DDR2: variants seen among roughly 807,000 people sequenced by gnomAD.
The protein encoded by DDR2 is discoidin domain-containing receptor 2.
In DDR2, 27 loss-of-function variants were observed where a neutral mutation model predicts 94.9. The ratio of observed to expected loss-of-function variants is 0.28; its 90% confidence interval spans 0.21 to 0.39. The LOEUF is 0.39. DDR2 is among the 10% of genes least tolerant of loss of function. The pLI is 1.00. For synonymous variants in DDR2, 382 were observed against 377.2 expected (o/e 1.01, Z -0.15); for missense variants, 783 against 1,076.0 (o/e 0.73, Z 3.81).
chr1:162,744,868 G>T (rs1662774724), intron 3 of DDR2, among the ~76,000 whole-genome samples: 2 of 152,354 alleles, frequency 1.3e-5, no homozygotes, highest in Non-Finnish European at 2.9e-5. Context: ...GTATATACCA[G>T]AAGTGGGACT....
chr1:162,709,450 G>A (rs1380484758), intron 2 of DDR2, among the ~76,000 whole-genome samples: 3 of 152,312 alleles, frequency 2.0e-5, no homozygotes, highest in East Asian at 3.9e-4. Flanking sequence ...CCCCTGGGGA[G>A]GTCACTTTGC....
At chr1:162,653,614 G>T (rs6694717) in intron 1 of DDR2, among the ~76,000 whole-genome samples, 124,214 of 151,434 alleles carry the variant, frequency 0.82, 51,916 homozygotes, top group Middle Eastern at 0.92. Context: ...GGGGACATTT[G>T]GGTCCTATTT....
intron 9 of DDR2, among the ~76,000 whole-genome samples, chr1:162,763,905 A>G (rs1409667503): frequency 6.6e-6 from 1 of 152,232 alleles, no homozygotes; most frequent in East Asian, 1.9e-4. Context: ...AACAATGTTA[A>G]CAGCATTTTC....
intron 7 of DDR2, among the ~76,000 whole-genome samples, chr1:162,758,817 G>A (rs1437064628): frequency 6.6e-6 from 1 of 152,154 alleles, no homozygotes; most frequent in Non-Finnish European, 1.5e-5. Context: ...TTGAGGGTGA[G>A]TATCCCAATC....
chr1:162,703,223 T>C (rs557551855), intron 2 of DDR2, among the ~76,000 whole-genome samples: 4 of 152,338 alleles, frequency 2.6e-5, no homozygotes, highest in Admixed American at 1.3e-4. Flanking sequence ...ATCAGTGAGT[T>C]TATAATGAGA....
At chr1:162,745,564 C>T (rs1310970632) in intron 3 of DDR2, among the ~76,000 whole-genome samples, 1 of 151,974 alleles carries the variant, frequency 6.6e-6, no homozygotes, top group African/African-American at 2.4e-5. Flanking sequence ...TTTCCCAACA[C>T]CATTTATTAA....
intron 2 of DDR2, among the ~76,000 whole-genome samples, chr1:162,659,773 T>C (rs1378971443): frequency 6.6e-6 from 1 of 152,152 alleles, no homozygotes; most frequent in Non-Finnish European, 1.5e-5. Flanking sequence ...TAAAAATATA[T>C]ATGCATGAGA....
At chr1:162,776,564 C>A (rs1647565759) in intron 16 of DDR2, among the ~76,000 whole-genome samples, 194 bp downstream of exon 16, 1 of 152,140 alleles carries the variant, frequency 6.6e-6, no homozygotes, top group South Asian at 2.1e-4. Context: ...AAAATTAACA[C>A]ACATAAAAAT....
At chr1:162,642,346 C>T (rs965070849) in intron 1 of DDR2, among the ~76,000 whole-genome samples, 2 of 151,754 alleles carry the variant, frequency 1.3e-5, no homozygotes, top group African/African-American at 2.4e-5. Flanking sequence ...CATCCTGGCT[C>T]ACCACAACCT....
intron 2 of DDR2, among the ~76,000 whole-genome samples, chr1:162,711,041 G>A (rs1160054136): frequency 6.6e-6 from 1 of 152,190 alleles, no homozygotes; most frequent in Admixed American, 6.5e-5. Flanking sequence ...CAAAGTCGAG[G>A]CCACCTCAGA....
At chr1:162,741,355 C>A (rs913024682) in intron 3 of DDR2, among the ~76,000 whole-genome samples, 5 of 145,504 alleles carry the variant, frequency 3.4e-5, no homozygotes, top group Non-Finnish European at 4.5e-5. Context: ...ATCCACAAAT[C>A]CAAAATCCGA....
chr1:162,767,263 G>T lies in DDR2; in HGVS notation c.1197G>T (p.Arg399=). The change falls in exon 11 of 18, where the codon CGG becomes CGT. Residue 399 remains arginine, a synonymous_variant. Transcript: ENST00000367921. ...TTAAAGTTGATGACAGCAACACTCG[G>T]ATCCTGATTGGCTGCTTGGTGGCCA... ...PMLKVDDSNT[R]ILIGCLVAII... The T allele has an allele frequency of 6.2e-7, 1 of 1,614,070 alleles. No homozygotes were observed. The highest frequency in any genetic ancestry group is 1.1e-5 in the South Asian group (1 of 91,082).
At chr1:162,676,694 C>G (rs1235654758) in intron 2 of DDR2, among the ~76,000 whole-genome samples, 1 of 152,132 alleles carries the variant, frequency 6.6e-6, no homozygotes, top group Non-Finnish European at 1.5e-5. Flanking sequence ...TTTGGGGGAG[C>G]CAGTGATTTT....
chr1:162,694,445 C>A (rs1039230599), intron 2 of DDR2, among the ~76,000 whole-genome samples: 8 of 152,110 alleles, frequency 5.3e-5, no homozygotes, highest in African/African-American at 1.9e-4. Flanking sequence ...CTTTCCCCCA[C>A]CTCCTCATTT....
At chr1:162,677,334 C>G (rs561847058) in intron 2 of DDR2, among the ~76,000 whole-genome samples, 19 of 152,178 alleles carry the variant, frequency 1.2e-4, no homozygotes, top group Non-Finnish European at 2.2e-4. Flanking sequence ...CTGTGGAAGA[C>G]TTAGTCAAGA....
At chr1:162,663,772 G>A (rs993021584) in intron 2 of DDR2, among the ~76,000 whole-genome samples, 6 of 152,230 alleles carry the variant, frequency 3.9e-5, no homozygotes, top group East Asian at 3.9e-4. Flanking sequence ...TGGGAAGACC[G>A]GTGTCTAGCC....
At chr1:162,652,219 T>C (rs897019645) in intron 1 of DDR2, among the ~76,000 whole-genome samples, 3 of 152,228 alleles carry the variant, frequency 2.0e-5, no homozygotes, top group African/African-American at 7.2e-5. Flanking sequence ...AAAATTGTCA[T>C]GCTTACCCGA....
chr1:162,650,527 C>T (rs1250743581), intron 1 of DDR2, among the ~76,000 whole-genome samples: 5 of 152,214 alleles, frequency 3.3e-5, no homozygotes, highest in Admixed American at 3.3e-4. Flanking sequence ...ACCTGGGAGG[C>T]AGAGGTTGCA....
At chr1:162,659,164 G>T (rs1430264194) in intron 2 of DDR2, among the ~76,000 whole-genome samples, 1 of 152,144 alleles carries the variant, frequency 6.6e-6, no homozygotes, top group Admixed American at 6.5e-5. Flanking sequence ...TCCAGCCTTG[G>T]TTTCTCATGG....
Sources: allele counts gnomAD v4.1 joint callset (sites outside exome capture counted in the v4.1 genomes callset), GRCh38; gene constraint gnomAD v4.1.1; transcripts MANE v1.5; gene names NCBI Gene and HGNC (gene_info 2026-07-23, HGNC 2026-07-21).